The following KCNQ2 variants were observed in gnomAD, a reference collection of about 807,000 sequenced individuals.
The protein encoded by KCNQ2 is potassium voltage-gated channel subfamily KQT member 2.
A neutral mutation model predicts 84.8 loss-of-function variants in KCNQ2; 14 were observed. That is an observed-to-expected ratio of 0.17 (90% CI 0.11 to 0.26). The LOEUF is 0.26. Ranked by LOEUF, KCNQ2 falls within the 10% of genes least tolerant of loss-of-function variation. KCNQ2 has a pLI of 1.00. For synonymous variants in KCNQ2, 599 were observed against 554.1 expected (o/e 1.08, Z -1.14); for missense variants, 788 against 1,254.0 (o/e 0.63, Z 5.61).
intron 9 of KCNQ2, among the ~76,000 whole-genome samples, chr20:63,428,664 T>C (rs964070606): frequency 1.3e-5 from 2 of 152,110 alleles, no homozygotes; most frequent in African/African-American, 2.4e-5. Flanking sequence ...TGGGGCCTTG[T>C]CAACCAGCAG....
chr20:63,415,828 C>A (rs1372304423), intron 12 of KCNQ2, among the ~76,000 whole-genome samples: 1 of 152,084 alleles, frequency 6.6e-6, no homozygotes, highest in African/African-American at 2.4e-5. Context: ...GTGGCCTTTT[C>A]ACACCCGTAA....
In KCNQ2 at chr20:63,414,443, A is replaced by G. The variant is rs1321418990; in HGVS notation, c.1526-250T>C. On this transcript the variant is annotated intron_variant, in intron 13 of 16. Transcript: ENST00000359125. This position sits in a 1 kb window ranked among gnomAD's most constrained non-coding sequence, Gnocchi z 6.6. ...GGGGCGTCAAAGGACATTCTGGCCAATGGATGAACAGAACATGGCGCATCC... is the reference window on the plus strand; with the variant it reads ...GGGGCGTCAAAGGACATTCTGGCCAGTGGATGAACAGAACATGGCGCATCC... 6.6e-5 allele frequency among the ~76,000 whole-genome samples: 10 copies of G among 152,136 alleles called. No homozygotes were observed. The highest frequency in any genetic ancestry group is 2.4e-4 in the African/African-American group (10 of 41,438).
chr20:63,416,284 T>A (rs1167734685), intron 12 of KCNQ2, among the ~76,000 whole-genome samples: 1 of 152,092 alleles, frequency 6.6e-6, no homozygotes, highest in East Asian at 1.9e-4. Flanking sequence ...GGGGGGTCCT[T>A]GGGCCTGCCT....
At chr20:63,410,842 GC>G (rs1352620627) in intron 15 of KCNQ2, among the ~76,000 whole-genome samples, 1 of 152,160 alleles carries the variant, frequency 6.6e-6, no homozygotes, top group Non-Finnish European at 1.5e-5. Flanking sequence ...GAAACTGTCT[GC>G]CCTGAGCTGT....
chr20:63,442,842 CCATCACCATCACCACCACCATCACCAT>C (rs1568934770), intron 4 of KCNQ2, among the ~76,000 whole-genome samples: 59 of 26,666 alleles, frequency 2.2e-3, no homozygotes, highest in African/African-American at 8.5e-3. Flanking sequence ...ACCACCACCA[CCATCACCATCACCACCACCATCACCAT>C]CACCATTATC....
chr20:63,464,906 G>A (rs4809304), intron 1 of KCNQ2, among the ~76,000 whole-genome samples: 60,280 of 152,090 alleles, frequency 0.4, 12,407 homozygotes, highest in Non-Finnish European at 0.45. Context: ...CTCTCCACAG[G>A]CTCCAGATGC....
intron 9 of KCNQ2, among the ~76,000 whole-genome samples, chr20:63,430,855 G>A (rs1160045887): frequency 6.6e-6 from 1 of 152,240 alleles, no homozygotes; most frequent in Non-Finnish European, 1.5e-5. Context: ...GGTGGGACAA[G>A]GACTGTGGCT....
rs2145548141 is a variant in KCNQ2, at chr20:63,414,151, C to T, written c.1568G>A (p.Cys523Tyr). 6.2e-7 allele frequency: 1 copy of T among 1,613,766 alleles called. No homozygotes were observed. Among genetic ancestry groups the T allele is most frequent in the South Asian group, 1.1e-5 (1 of 91,084 alleles). ...GTCCTCGGTCACAAACTCGCAGGGGCAGCTCTTGTCATCCACAATGTCCTC... is the reference window on the plus strand; with the variant it reads ...GTCCTCGGTCACAAACTCGCAGGGGTAGCTCTTGTCATCCACAATGTCCTC... The part of the protein sequence containing the change: ...PGEDIVDDKS[C>Y]PCEFVTEDLT... Residue 523 changes from cysteine (C) to tyrosine (Y), a missense_variant, in exon 14 of 17, where the codon TGC (cysteine) becomes TAC (tyrosine). This residue lies in a region of KCNQ2 where 202 missense variants were observed against 239.4 expected (regional missense o/e 0.84). Coordinates refer to ENST00000359125, the MANE Select transcript of KCNQ2 (RefSeq NM_172107.4). This position sits in a 1 kb window ranked among gnomAD's most constrained non-coding sequence, Gnocchi z 6.6.
At chr20:63,472,099 G>C (rs527704309) in intron 1 of KCNQ2, 69 bp downstream of exon 1, 2 of 1,187,912 alleles carry the variant, frequency 1.7e-6, no homozygotes, top group Non-Finnish European at 2.3e-6. Context: ...AGCCTGGCCG[G>C]GGTCGCCGAT....
rs755823361 is a variant in KCNQ2, at chr20:63,406,964, G to A, written c.2299C>T (p.Arg767Trp). Residue 767 changes from arginine to tryptophan, a missense_variant, in exon 17 of 17, where the codon CGG becomes TGG. Transcript: ENST00000359125. ...CTGCAGCCCGGGGTGTCCTCCTGCC[G>A]CAGGAACTCCATGCTGGCGCGGTTG... ...GGNRASMEFL[R>W]QEDTPGCRPP... 9.0e-6 allele frequency: 14 copies of A among 1,559,768 alleles called. No individual in the cohort carries two copies. The highest frequency in any genetic ancestry group is 2.4e-5 in the East Asian group (1 of 42,342).
intron 1 of KCNQ2, chr20:63,447,573 G>C (rs915560790): frequency 6.7e-6 from 1 of 149,076 alleles, no homozygotes; most frequent in Non-Finnish European, 1.5e-5. Context: ...TCCCCCAAAT[G>C]CATGTGGGTA....
At chr20:63,426,137 C>T (rs1387006315) in intron 10 of KCNQ2, among the ~76,000 whole-genome samples, 3 of 152,208 alleles carry the variant, frequency 2.0e-5, no homozygotes, top group Non-Finnish European at 4.4e-5. Flanking sequence ...TCCCGAAGTT[C>T]GATGCCCTCT....
chr20:63,468,177 G>A (rs1012052898), intron 1 of KCNQ2, among the ~76,000 whole-genome samples: 2 of 152,226 alleles, frequency 1.3e-5, no homozygotes, highest in Non-Finnish European at 2.9e-5. Context: ...GGTTTCCCCA[G>A]AAACCACAAC....
rs371918220 is a variant in KCNQ2 at position 63,446,737 on chromosome 20, C to T, written c.387+10G>A. 25 of 1,610,194 alleles carry T rather than the reference C, an allele frequency of 1.6e-5. No individual in the cohort carries two copies. Among genetic ancestry groups the T allele is most frequent in the African/African-American group, 2.7e-5 (2 of 74,830 alleles). On this transcript the variant is annotated intron_variant, in intron 2 of 16. Transcript: ENST00000359125. This position sits in a 1 kb window ranked among gnomAD's most constrained non-coding sequence, Gnocchi z 5.5. ...GGCACTTCCAGCCCCCGCCCTCCCT[C>T]GGGGCTCACCAGGATGTAGAGGGCC...
At chr20:63,468,006 CAG>C (rs1188293572) in intron 1 of KCNQ2, among the ~76,000 whole-genome samples, 4 of 152,226 alleles carry the variant, frequency 2.6e-5, no homozygotes, top group Admixed American at 1.3e-4. Flanking sequence ...CTCACAGACA[CAG>C]AATGTGCACA....
chr20:63,452,557 G>A (rs747686085), intron 1 of KCNQ2, among the ~76,000 whole-genome samples: 260 of 152,366 alleles, frequency 1.7e-3, no homozygotes, highest in Non-Finnish European at 3.0e-3. Context: ...GCACCATGGC[G>A]CAGCTGCGTG....
Position 63,438,523 on chromosome 20 carries a change from T to C in KCNQ2, c.1023+102A>G. 1.1e-6 allele frequency: 1 copy of C among 944,748 alleles called. No individual in the cohort carries two copies. The highest frequency in any genetic ancestry group is 1.7e-6 in the Non-Finnish European group (1 of 580,294). The allele number at this position is 944,748 out of a possible 1,614,324, so 58.5% of individuals were successfully genotyped here. On this transcript the variant is annotated intron_variant, in intron 7 of 16. Transcript: ENST00000359125. The surrounding 1 kb of genome is among the most constrained non-coding windows in gnomAD (Gnocchi z 5.1). The stretch of plus-strand genomic sequence containing the variant: ...TGCAGAGGGTGAGCGCTGTGGCCCA[T>C]CCACAGACAGGGCAATGCCAAAGCC...
intron 15 of KCNQ2, among the ~76,000 whole-genome samples, chr20:63,412,538 G>A (rs1159060655): frequency 6.6e-6 from 1 of 152,226 alleles, no homozygotes; most frequent in African/African-American, 2.4e-5. Flanking sequence ...GCTAAGGCCT[G>A]GAGGCGCCCC....
intron 15 of KCNQ2, among the ~76,000 whole-genome samples, chr20:63,413,078 CCA>C (rs1408614983): frequency 6.6e-6 from 1 of 152,140 alleles, no homozygotes; most frequent in Non-Finnish European, 1.5e-5. Flanking sequence ...TGTATGCACC[CCA>C]CACACGTGCA....
Sources: allele counts gnomAD v4.1 joint callset (sites outside exome capture counted in the v4.1 genomes callset), GRCh38; gene constraint gnomAD v4.1.1; regional missense constraint gnomAD v4.1.1; non-coding constraint Gnocchi (gnomAD v3.1); transcripts MANE v1.5; gene names NCBI Gene and HGNC (gene_info 2026-07-23, HGNC 2026-07-21).